The following PDE4D variants were observed in gnomAD, a reference collection of about 807,000 sequenced individuals.
PDE4D encodes the protein 3',5'-cyclic-AMP phosphodiesterase 4D.
Under a neutral mutation model 87.4 loss-of-function variants are expected in PDE4D, and 24 were observed. The observed-to-expected ratio is 0.27, with a 90% CI of 0.20 to 0.39. PDE4D has a LOEUF of 0.39. Among genes scored for constraint, PDE4D ranks in the 10% least tolerant of loss-of-function variants. The pLI is 1.00. For missense variants in PDE4D, 714 were observed against 1,041.0 expected, an observed-to-expected ratio of 0.69 and a Z score of 4.32; for synonymous variants, 384 against 383.2, an observed-to-expected ratio of 1.00 and a Z score of -0.02.
chr5:59,677,847 T>C (rs1337693770), intron 1 of PDE4D, among the ~76,000 whole-genome samples: 1 of 152,206 alleles, frequency 6.6e-6, no homozygotes, highest in East Asian at 1.9e-4. Context: ...AAGCATTGTA[T>C]TTCCCTAGTC....
At chr5:60,303,392 T>C (rs1247421801) in intron 1 of PDE4D, among the ~76,000 whole-genome samples, 1 of 147,510 alleles carries the variant, frequency 6.8e-6, no homozygotes, top group Non-Finnish European at 1.5e-5. Context: ...CACTGCAAGC[T>C]CCGCCTCCCG....
At chr5:59,935,406 G>A (rs1411632571) in intron 3 of PDE4D, among the ~76,000 whole-genome samples, 1 of 152,110 alleles carries the variant, frequency 6.6e-6, no homozygotes, top group Non-Finnish European at 1.5e-5. Flanking sequence ...ACTGAAAAAA[G>A]TCAGAGGAGT....
Position 59,601,593 on chromosome 5 carries a change from CTA to C in PDE4D, c.455+291573_455+291574del, listed in dbSNP as rs930666301. Among the ~76,000 whole-genome samples, 8 of 151,990 alleles carry C rather than the reference CTA, an allele frequency of 5.3e-5. No homozygotes were observed. In the East Asian group the frequency reaches 1.2e-3, roughly 22 times the overall value. On this transcript the variant is annotated intron_variant, in intron 1 of 14. Coordinates refer to ENST00000340635, the MANE Select transcript of PDE4D (RefSeq NM_001104631.2). ...TACTTGAACTGTCTTTCTTTTTCCT[CTA>C]TGTTTGTGTGTTCCAGCTCACTGAA...
chr5:59,217,073 G>T (rs925838893), intron 1 of PDE4D: 6 of 381,688 alleles, frequency 1.6e-5, no homozygotes, highest in African/African-American at 1.3e-4. Flanking sequence ...ATATTTTAGA[G>T]CTGGGAAAAA....
chr5:59,743,093 T>C lies in PDE4D; in HGVS notation c.455+150075A>G, dbSNP rs1580814654. ...TGATCAAGTATTATAAGTTAGTACA[T>C]GATCAGTGATTATTCTATAAAGTGG... On this transcript the variant is annotated intron_variant, in intron 1 of 14. Transcript: ENST00000340635. 2.6e-5 allele frequency among the ~76,000 whole-genome samples: 4 copies of C among 152,272 alleles called. 1 individual carries two copies. The highest frequency in any genetic ancestry group is 9.6e-5 in the African/African-American group (4 of 41,572).
intron 1 of PDE4D, among the ~76,000 whole-genome samples, chr5:60,275,778 A>G (rs913963063): frequency 5.9e-5 from 9 of 151,772 alleles, no homozygotes; most frequent in Non-Finnish European, 1.0e-4. Flanking sequence ...GGTACTATAC[A>G]TTTTTTTCTT....
intron 1 of PDE4D, among the ~76,000 whole-genome samples, chr5:59,804,620 C>T (rs1028404384): frequency 2.0e-4 from 30 of 152,274 alleles, no homozygotes; most frequent in African/African-American, 6.7e-4. Context: ...TAACTCCATT[C>T]CACACTTGGA....
At chr5:59,671,325 C>A (rs1280821183) in intron 1 of PDE4D, among the ~76,000 whole-genome samples, 1 of 152,154 alleles carries the variant, frequency 6.6e-6, no homozygotes, top group Non-Finnish European at 1.5e-5. Context: ...AGTAACTTCT[C>A]TACCTTAAGG....
chr5:59,804,481 A>C (rs1767515455), intron 1 of PDE4D, among the ~76,000 whole-genome samples: 1 of 151,828 alleles, frequency 6.6e-6, no homozygotes, highest in African/African-American at 2.4e-5. Context: ...AGGCCTGTGC[A>C]TGTGGTCTTT....
chr5:59,973,088 T>A (rs1314023207), intron 3 of PDE4D, among the ~76,000 whole-genome samples: 1 of 152,114 alleles, frequency 6.6e-6, no homozygotes, highest in Non-Finnish European at 1.5e-5. Flanking sequence ...AAAACAAAAG[T>A]TCATGAATTT....
intron 1 of PDE4D, among the ~76,000 whole-genome samples, chr5:60,440,283 T>C (rs1233227801): frequency 1.3e-5 from 2 of 152,202 alleles, no homozygotes; most frequent in Non-Finnish European, 2.9e-5. Context: ...TCTATATTCA[T>C]TCAACAAATA....
chr5:59,540,842 C>A (rs1221970995), intron 1 of PDE4D, among the ~76,000 whole-genome samples: 1 of 152,194 alleles, frequency 6.6e-6, no homozygotes, highest in Admixed American at 6.5e-5. Flanking sequence ...CAAAGACATT[C>A]CATTAACCTC....
At chr5:59,126,154 G>T (rs79643994) in intron 5 of PDE4D, among the ~76,000 whole-genome samples, 1 of 148,292 alleles carries the variant, frequency 6.7e-6, no homozygotes, top group African/African-American at 2.5e-5. Flanking sequence ...AGGAAAAAAG[G>T]AAGGGAAGAA....
At chr5:59,200,194 C>T (rs1180502374) in intron 2 of PDE4D, among the ~76,000 whole-genome samples, 2 of 95,602 alleles carry the variant, frequency 2.1e-5, no homozygotes, top group South Asian at 3.1e-4. Flanking sequence ...TGTATACATA[C>T]ACGTGTATGT....
chr5:60,073,020 T>C (rs1000782630), intron 2 of PDE4D, among the ~76,000 whole-genome samples: 1 of 152,134 alleles, frequency 6.6e-6, no homozygotes, highest in Non-Finnish European at 1.5e-5. Context: ...TCTTGCCTGA[T>C]AGCTCTGGCC....
chr5:60,173,713 C>T (rs2149486811), intron 2 of PDE4D, among the ~76,000 whole-genome samples: 1 of 152,174 alleles, frequency 6.6e-6, no homozygotes, highest in Admixed American at 6.5e-5. Flanking sequence ...ACAGAAACAG[C>T]TAATGGAGCA....
chr5:59,211,375 T>C (rs1750041698), intron 2 of PDE4D, among the ~76,000 whole-genome samples: 1 of 152,154 alleles, frequency 6.6e-6, no homozygotes, highest in African/African-American at 2.4e-5. Context: ...TATATACTTG[T>C]ATACATTCTC....
chr5:60,114,508 T>G (rs1007091787), intron 2 of PDE4D, among the ~76,000 whole-genome samples: 1 of 152,088 alleles, frequency 6.6e-6, no homozygotes, highest in Non-Finnish European at 1.5e-5. Flanking sequence ...TCAGGAAATA[T>G]GTTGTTTCAG....
chr5:59,784,274 C>A (rs1764932607), intron 1 of PDE4D, among the ~76,000 whole-genome samples: 1 of 148,522 alleles, frequency 6.7e-6, no homozygotes. Flanking sequence ...GGGGATTGTG[C>A]TTTTCAAATT....
Sources: allele counts gnomAD v4.1 joint callset (sites outside exome capture counted in the v4.1 genomes callset), GRCh38; gene constraint gnomAD v4.1.1; transcripts MANE v1.5; gene names NCBI Gene and HGNC (gene_info 2026-07-23, HGNC 2026-07-21).